SNAPC2: variants seen among roughly 807,000 people sequenced by gnomAD.
SNAPC2 encodes the protein small nuclear RNA activating complex polypeptide 2, also known as snRNA-activating protein complex subunit 2.
A neutral mutation model predicts 22.9 loss-of-function variants in SNAPC2; 27 were observed. The ratio of observed to expected loss-of-function variants is 1.18; its 90% CI spans 0.87 to 1.63. The LOEUF (loss-of-function observed/expected upper bound fraction) is 1.63, where lower values mean the gene tolerates loss of function less well. Among genes scored for constraint, SNAPC2 ranks in the 40% most tolerant of loss-of-function variants. SNAPC2 has a pLI of 0.00. For synonymous variants in SNAPC2, 272 were observed against 201.0 expected (o/e 1.35, Z -2.99); for missense variants, 570 against 449.1 (o/e 1.27, Z -2.43).
intron 2 of SNAPC2, 81 bp downstream of exon 2, chr19:7,921,623 G>A (rs993367240): frequency 1.2e-6 from 2 of 1,605,786 alleles, no homozygotes; most frequent in East Asian, 2.2e-5. Flanking sequence ...AACCTGATTA[G>A]GGGATCCCCA....
chr19:7,921,342 A>G, intron 1 of SNAPC2, 81 bp from the exon 2 acceptor site: 1 of 1,602,770 alleles, frequency 6.2e-7, no homozygotes, highest in Admixed American at 1.7e-5. Context: ...GGCCCAGAGC[A>G]TACAAGGGAT....
rs771416536 is a variant in SNAPC2 at position 7,922,103 on chromosome 19, C to G, written c.441C>G (p.Ala147=). The part of the protein sequence containing the change: ...LHSKPPKPTQ[A]RGKPLLLSAP... ...CCAAGCCCCCCAAGCCCACGCAGGCCCGTGGAAAGCCTTTGCTCCTGAGCG... is the reference window on the plus strand; with the variant it reads ...CCAAGCCCCCCAAGCCCACGCAGGCGCGTGGAAAGCCTTTGCTCCTGAGCG... Residue 147 remains alanine (A), a synonymous_variant, in exon 4 of 5, where the codon GCC becomes GCG. Coordinates refer to ENST00000221573, the MANE Select transcript of SNAPC2 (RefSeq NM_003083.4). 6 of 1,613,904 alleles carry G rather than the reference C, an allele frequency of 3.7e-6. No homozygotes were observed. In the Admixed American group the frequency reaches 8.3e-5, roughly 22 times the overall value.
At chr19:7,921,876 A>T (rs1199174937) in intron 3 of SNAPC2, 103 bp downstream of exon 3, 4 of 1,401,316 alleles carry the variant, frequency 2.9e-6, no homozygotes, top group Non-Finnish European at 4.0e-6. Flanking sequence ...AGCTCTGTGG[A>T]CTCCGTCAGT....
intron 1 of SNAPC2, 52 bp from the exon 2 acceptor site, chr19:7,921,371 C>T: frequency 6.2e-7 from 1 of 1,612,784 alleles, no homozygotes; most frequent in Non-Finnish European, 8.5e-7. Flanking sequence ...GGCTTCTCTG[C>T]TGCAGCCCTG....
intron 1 of SNAPC2, chr19:7,920,965 G>T: frequency 9.0e-7 from 1 of 1,111,134 alleles, no homozygotes; most frequent in Non-Finnish European, 1.1e-6. Context: ...TGGGAGGGGC[G>T]TGGGCGGGAT....
chr19:7,920,373 C>G lies in SNAPC2; in HGVS notation c.7C>G (p.Pro3Ala), dbSNP rs1276166083. MK[P>A]PPRRRAAPAR... Reference sequence around the variant, plus strand: ...CTGCCTCTTTCTGAGCGGCATGAAGCCACCTCCCAGGCGGCGAGCGGCCCC... The same window carrying G: ...CTGCCTCTTTCTGAGCGGCATGAAGGCACCTCCCAGGCGGCGAGCGGCCCC... Residue 3 changes from proline (P) to alanine (A), a missense_variant, in exon 1 of 5, where the codon CCA becomes GCA. By Grantham distance (27) the Pro-to-Ala change is conservative. Transcript: ENST00000221573. 2.5e-6 allele frequency: 4 copies of G among 1,575,958 alleles called. No homozygotes were observed. Among genetic ancestry groups the G allele is most frequent in the African/African-American group, 2.8e-5 (2 of 71,452 alleles).
In SNAPC2 at chr19:7,922,112, G is replaced by A; in HGVS notation, c.450G>A (p.Lys150=). ...CCAAGCCCACGCAGGCCCGTGGAAA[G>A]CCTTTGCTCCTGAGCGCCCCTGGAG... ...KPPKPTQARG[K]PLLLSAPGGQ... Residue 150 remains lysine, a synonymous_variant, in exon 4 of 5, where the codon AAG becomes AAA. Coordinates refer to ENST00000221573, the MANE Select transcript of SNAPC2 (RefSeq NM_003083.4). 1 of 1,613,982 alleles carries A rather than the reference G, an allele frequency of 6.2e-7. No homozygotes were observed. Among genetic ancestry groups the A allele is most frequent in the Non-Finnish European group, 8.5e-7 (1 of 1,179,964 alleles).
intron 1 of SNAPC2, 38 bp from the exon 2 acceptor site, chr19:7,921,385 T>C (rs747443015): frequency 3.7e-6 from 6 of 1,613,416 alleles, no homozygotes; most frequent in Middle Eastern, 3.3e-4. Flanking sequence ...AGCCCTGAGC[T>C]CATAGAAGCC....
At position 7,922,811 on chromosome 19, in the gene SNAPC2, T is replaced by C; in HGVS notation, c.*47T>C. The C allele has an allele frequency of 1.4e-6, 2 of 1,402,776 alleles. No individual in the cohort carries two copies. The highest frequency in any genetic ancestry group is 1.9e-6 in the Non-Finnish European group (2 of 1,035,258). The allele number at this position is 1,402,776 out of a possible 1,614,324, so 86.9% of individuals were successfully genotyped here. ...CACACCAGGCCCCCCGCCCTGCCCC[T>C]CGGTTCTGCTCGGCTGGCCCTGGCT... is the stretch of plus-strand genomic sequence containing the variant. On this transcript the variant is annotated 3_prime_UTR_variant, in exon 5 of 5. Transcript: ENST00000221573.
rs1201057138 is a variant in SNAPC2 at position 7,922,527 on chromosome 19, GACGGAGACGTACCT to G, written c.772_785del (p.Glu258ProfsTer100). 1 of 1,612,562 alleles carries G rather than the reference GACGGAGACGTACCT, an allele frequency of 6.2e-7. No individual in the cohort carries two copies. Among genetic ancestry groups the G allele is most frequent in the Non-Finnish European group, 8.5e-7 (1 of 1,179,276 alleles). ...CCTGCACAGCCCTGGTTGAGCATAT[GACGGAGACGTACCT>G]ACGCCTGACAGCCCCCCAGCCCATT... On this transcript the variant is annotated frameshift_variant, in exon 5 of 5. Transcript: ENST00000221573. LOFTEE classifies it low-confidence loss of function (END_TRUNC).
In SNAPC2 at chr19:7,922,240, C is replaced by G. The variant is rs201531431; in HGVS notation, c.578C>G (p.Ser193Trp). 268 of 1,614,116 alleles carry G rather than the reference C, an allele frequency of 1.7e-4. No individual in the cohort carries two copies. Among genetic ancestry groups the G allele is most frequent in the Admixed American group, 9.8e-4 (59 of 60,022 alleles). ...GCCCCTGAGAAACCTTCTGAGTCGT[C>G]GGCTGGTCCCTCCACTGAAGAAGAC... ...DPAPEKPSES[S>W]AGPSTEEDFA... Residue 193 changes from serine to tryptophan, a missense_variant, in exon 4 of 5, where the codon TCG becomes TGG. Transcript: ENST00000221573.
chr19:7,920,755 G>A (rs1213721062), intron 1 of SNAPC2: 3 of 507,524 alleles, frequency 5.9e-6, no homozygotes, highest in Non-Finnish European at 9.9e-6. Flanking sequence ...GAAGACCTAG[G>A]GGCGGGGCGA....
chr19:7,922,234 A>G lies in SNAPC2; in HGVS notation c.572A>G (p.Glu191Gly). The stretch of plus-strand genomic sequence containing the variant: ...GACCCTGCCCCTGAGAAACCTTCTG[A>G]GTCGTCGGCTGGTCCCTCCACTGAA... ...TPDPAPEKPSESSAGPSTEED... is the reference protein window; with the variant it reads ...TPDPAPEKPSGSSAGPSTEED... Residue 191 changes from glutamate to glycine, a missense_variant, in exon 4 of 5, where the codon GAG (glutamate) becomes GGG (glycine). Transcript: ENST00000221573. The G allele has an allele frequency of 6.2e-7, 1 of 1,614,036 alleles. No individual in the cohort carries two copies. The highest frequency in any genetic ancestry group is 8.5e-7 in the Non-Finnish European group (1 of 1,179,998).
chr19:7,921,456 G>A lies in SNAPC2; in HGVS notation c.217G>A (p.Val73Ile). The A allele has an allele frequency of 1.2e-6, 2 of 1,613,870 alleles. No homozygotes were observed. The highest frequency in any genetic ancestry group is 1.7e-6 in the Non-Finnish European group (2 of 1,179,848). The change falls in exon 2 of 5, where the codon GTA (valine) becomes ATA (isoleucine). Residue 73 changes from valine (V) to isoleucine (I), a missense_variant. Val to Ile is a conservative substitution (Grantham distance 29). Coordinates refer to ENST00000221573, the MANE Select transcript of SNAPC2 (RefSeq NM_003083.4). ...CTTCCTCCAGCAGCTCAAGGGCCGC[G>A]TAGCCCGGGAGGCCATTCAGAAAGT... ...RVFLQQLKGRVAREAIQKVHP... is the reference protein window; with the variant it reads ...RVFLQQLKGRIAREAIQKVHP...
intron 2 of SNAPC2, 79 bp downstream of exon 2, chr19:7,921,621 T>G: frequency 6.2e-7 from 1 of 1,601,662 alleles, no homozygotes; most frequent in Non-Finnish European, 8.5e-7. Context: ...ATAACCTGAT[T>G]AGGGGATCCC....
chr19:7,921,791 G>A lies in SNAPC2; in HGVS notation c.372+18G>A. 38 of 1,609,614 alleles carry A rather than the reference G, an allele frequency of 2.4e-5. No individual in the cohort carries two copies. The highest frequency in any genetic ancestry group is 3.2e-5 in the Non-Finnish European group (38 of 1,177,402). On this transcript the variant is annotated intron_variant, in intron 3 of 4. Coordinates refer to ENST00000221573, the MANE Select transcript of SNAPC2 (RefSeq NM_003083.4). ...TCTCGCAGGTACCGCCATTCCCCCA[G>A]GCAGGTCAGGGTGTCCCAGAGGACA... is the stretch of plus-strand genomic sequence containing the variant.
Position 7,922,644 on chromosome 19 carries a change from C to G in SNAPC2, c.885C>G (p.Ala295=). ...AGGCACCAGAGGAGACCCCCCCAGC[C>G]ACCGAGAAGGCCGAGCACAGCGAAC... ...GSKAPEETPP[A]TEKAEHSELK... Residue 295 remains alanine (A), a synonymous_variant, in exon 5 of 5, where the codon GCC becomes GCG. Transcript: ENST00000221573. The G allele has an allele frequency of 6.2e-7, 1 of 1,613,734 alleles. No individual in the cohort carries two copies. Among genetic ancestry groups the G allele is most frequent in the Non-Finnish European group, 8.5e-7 (1 of 1,179,966 alleles).
rs1045713082 is a variant in SNAPC2, at chr19:7,920,342, C to G, written c.-25C>G. ...TCCGCCCATCGGAGAAGCGACCTTA[C>G]AGCGCCTGCCTCTTTCTGAGCGGCA... On this transcript the variant is annotated 5_prime_UTR_variant, in exon 1 of 5. Transcript: ENST00000221573. 1 of 1,543,848 alleles carries G rather than the reference C, an allele frequency of 6.5e-7. No individual in the cohort carries two copies. Among genetic ancestry groups the G allele is most frequent in the Non-Finnish European group, 8.7e-7 (1 of 1,153,938 alleles).
Position 7,920,375 on chromosome 19 carries a change from A to G in SNAPC2, c.9A>G (p.Pro3=), listed in dbSNP as rs1339587413. 1 of 1,575,772 alleles carries G rather than the reference A, an allele frequency of 6.3e-7. No homozygotes were observed. The highest frequency in any genetic ancestry group is 8.6e-7 in the Non-Finnish European group (1 of 1,169,052). MK[P]PPRRRAAPAR... is the part of the protein sequence containing the mutation. ...GCCTCTTTCTGAGCGGCATGAAGCC[A>G]CCTCCCAGGCGGCGAGCGGCCCCGG... Residue 3 remains proline, a synonymous_variant, in exon 1 of 5, where the codon CCA becomes CCG. Transcript: ENST00000221573.
Sources: allele counts gnomAD v4.1 joint callset, GRCh38; gene constraint gnomAD v4.1.1; transcripts MANE v1.5; gene names NCBI Gene and HGNC (gene_info 2026-07-23, HGNC 2026-07-21).